The following FHIP1A variants were observed in gnomAD, a reference collection of about 807,000 sequenced individuals.
FHIP1A encodes the protein FHF complex subunit HOOK interacting protein 1A, also known as FHF complex subunit HOOK-interacting protein 1A.
FHIP1A carries 61 observed loss-of-function variants against 88.6 expected under a neutral mutation model. That is an observed-to-expected ratio of 0.69 (90% CI 0.56 to 0.85). The LOEUF (loss-of-function observed/expected upper bound fraction) is 0.85. Among genes scored for constraint, FHIP1A ranks in the 40% least tolerant of loss-of-function variants. FHIP1A has a pLI of 0.00. For missense variants in FHIP1A, 1,154 were observed against 1,273.5 expected, an observed-to-expected ratio of 0.91 and a Z score of 1.43; for synonymous variants, 478 against 496.0, an observed-to-expected ratio of 0.96 and a Z score of 0.48.
chr4:151,471,579 G>A (rs1414120363), intron 2 of FHIP1A, among the ~76,000 whole-genome samples: 1 of 151,932 alleles, frequency 6.6e-6, no homozygotes, highest in Non-Finnish European at 1.5e-5. Flanking sequence ...CCAAATGAGT[G>A]CTCACAATAT....
intron 7 of FHIP1A, among the ~76,000 whole-genome samples, chr4:151,599,068 G>C (rs758442266): frequency 6.6e-6 from 1 of 152,192 alleles, no homozygotes; most frequent in Non-Finnish European, 1.5e-5. Flanking sequence ...TCCAGGGTTT[G>C]AGATAAGGGA....
chr4:151,436,586 G>A (rs1235307580), intron 1 of FHIP1A: 1 of 152,014 alleles, frequency 6.6e-6, no homozygotes, highest in African/African-American at 2.4e-5. Context: ...GTCATCCCTC[G>A]GTATCTGTGA....
intron 9 of FHIP1A, among the ~76,000 whole-genome samples, chr4:151,640,219 A>G (rs891866481): frequency 2.0e-5 from 3 of 152,242 alleles, no homozygotes; most frequent in African/African-American, 7.2e-5. Context: ...CCGTGCAGGC[A>G]TAACATCTTG....
At chr4:151,476,161 AT>A (rs564671344) in intron 2 of FHIP1A, among the ~76,000 whole-genome samples, 85 of 111,514 alleles carry the variant, frequency 7.6e-4, no homozygotes, top group Middle Eastern at 6.3e-3. Flanking sequence ...TGCTCGGCCG[AT>A]TTTTTTTTTT....
At chr4:151,611,619 T>C (rs964949232) in intron 7 of FHIP1A, among the ~76,000 whole-genome samples, 1 of 152,272 alleles carries the variant, frequency 6.6e-6, no homozygotes, top group African/African-American at 2.4e-5. Context: ...TTTATATTTA[T>C]GTTAAATGCT....
At chr4:151,526,622 C>G (rs1368244544) in intron 3 of FHIP1A, among the ~76,000 whole-genome samples, 1 of 149,812 alleles carries the variant, frequency 6.7e-6, no homozygotes, top group African/African-American at 2.5e-5. Context: ...GCTGATCCCC[C>G]CACCTCCCTC....
At chr4:151,482,268 C>A (rs1298763572) in intron 2 of FHIP1A, among the ~76,000 whole-genome samples, 2 of 152,024 alleles carry the variant, frequency 1.3e-5, no homozygotes, top group Non-Finnish European at 2.9e-5. Flanking sequence ...TGTTTGACAT[C>A]TCTTATAAGA....
chr4:151,526,162 C>G (rs377671721), intron 3 of FHIP1A, among the ~76,000 whole-genome samples: 3 of 152,220 alleles, frequency 2.0e-5, no homozygotes, highest in Non-Finnish European at 4.4e-5. Context: ...TACCTCTTTC[C>G]ACACAGACAC....
At chr4:151,443,208 C>T (rs192389012) in intron 1 of FHIP1A, among the ~76,000 whole-genome samples, 35 of 152,180 alleles carry the variant, frequency 2.3e-4, no homozygotes, top group Non-Finnish European at 3.2e-4. Context: ...TGAGATAGGA[C>T]GATCACTTGA....
At chr4:151,517,407 T>A (rs1350951864) in intron 3 of FHIP1A, among the ~76,000 whole-genome samples, 2 of 152,028 alleles carry the variant, frequency 1.3e-5, no homozygotes, top group Non-Finnish European at 2.9e-5. Context: ...CATATGTAAC[T>A]AACCTGCACA....
At chr4:151,517,232 C>T (rs1731274417) in intron 3 of FHIP1A, among the ~76,000 whole-genome samples, 1 of 151,538 alleles carries the variant, frequency 6.6e-6, no homozygotes, top group Non-Finnish European at 1.5e-5. Flanking sequence ...TATTCTCACT[C>T]ATAGGCGGGA....
At chr4:151,513,808 C>T (rs961831080) in intron 3 of FHIP1A, among the ~76,000 whole-genome samples, 1 of 150,692 alleles carries the variant, frequency 6.6e-6, no homozygotes, top group Admixed American at 6.6e-5. Flanking sequence ...TAAAGCAAGT[C>T]CTGAGTGACC....
intron 3 of FHIP1A, among the ~76,000 whole-genome samples, chr4:151,526,042 C>T (rs1415357943): frequency 6.6e-6 from 1 of 152,080 alleles, no homozygotes; most frequent in Non-Finnish European, 1.5e-5. Flanking sequence ...TGAGTGGATA[C>T]AGCACATGTT....
At chr4:151,651,157 T>C (rs759671446) in intron 11 of FHIP1A, among the ~76,000 whole-genome samples, 2 of 152,108 alleles carry the variant, frequency 1.3e-5, no homozygotes, top group Non-Finnish European at 2.9e-5. Flanking sequence ...AAAATCTTTA[T>C]CCAAAAATAA....
intron 2 of FHIP1A, among the ~76,000 whole-genome samples, chr4:151,463,458 T>C (rs1398233581): frequency 6.6e-6 from 1 of 152,262 alleles, no homozygotes; most frequent in East Asian, 1.9e-4. Flanking sequence ...CAGACAATTT[T>C]GGCATTCCAG....
At chr4:151,605,746 A>C (rs1468045411) in intron 7 of FHIP1A, among the ~76,000 whole-genome samples, 1 of 152,226 alleles carries the variant, frequency 6.6e-6, no homozygotes, top group African/African-American at 2.4e-5. Context: ...CTGCAAGCTC[A>C]ATAATTCATG....
intron 3 of FHIP1A, among the ~76,000 whole-genome samples, chr4:151,498,166 T>C (rs1003388422): frequency 6.6e-6 from 1 of 152,238 alleles, no homozygotes; most frequent in African/African-American, 2.4e-5. Flanking sequence ...GTTGCAGTAG[T>C]CCTAAATAAA....
Position 151,668,800 on chromosome 4 carries a change from ACCTCCT to A in FHIP1A, c.*6049_*6054del, listed in dbSNP as rs1376272190. On this transcript the variant is annotated 3_prime_UTR_variant, in exon 14 of 14. Coordinates refer to ENST00000435205, the MANE Select transcript of FHIP1A (RefSeq NM_001109977.3). ...CCTGCCTTCCCACCAGAACCCTCCA[ACCTCCT>A]CCCCAGGCAACAGAACACAGGGTTT... 6.6e-6 allele frequency among the ~76,000 whole-genome samples: 1 copy of A among 150,942 alleles called. No individual in the cohort carries two copies. Among genetic ancestry groups the A allele is most frequent in the Non-Finnish European group, 1.5e-5 (1 of 67,718 alleles).
chr4:151,613,351 A>C (rs1230086172), intron 7 of FHIP1A, among the ~76,000 whole-genome samples: 1 of 152,210 alleles, frequency 6.6e-6, no homozygotes. Flanking sequence ...GGAGATTTTA[A>C]ATCTTTTTAC....
Sources: gnomAD v4.1 joint callset for allele counts (sites outside exome capture counted in the v4.1 genomes callset) on GRCh38, gnomAD v4.1.1 for gene constraint, MANE v1.5 for transcripts, NCBI Gene and HGNC (gene_info 2026-07-23, HGNC 2026-07-21) for gene names.